Variants in TXNRD1 observed in about 807,000 individuals in gnomAD.
The protein encoded by TXNRD1 is thioredoxin reductase 1, cytoplasmic.
Under a neutral mutation model 80.3 loss-of-function variants are expected in TXNRD1, and 57 were observed. The ratio of observed to expected loss-of-function variants is 0.71; its 90% CI spans 0.57 to 0.89. TXNRD1 has a LOEUF of 0.89. Among genes scored for constraint, TXNRD1 ranks in the 40% least tolerant of loss-of-function variants. The pLI, the probability that TXNRD1 is intolerant of heterozygous loss-of-function variation, is 0.00. For synonymous variants in TXNRD1, 291 were observed against 285.2 expected (o/e 1.02, Z -0.20); for missense variants, 730 against 803.0 (o/e 0.91, Z 1.10).
intron 2 of TXNRD1, among the ~76,000 whole-genome samples, chr12:104,253,549 A>C (rs1374482408): frequency 6.6e-6 from 1 of 152,128 alleles, no homozygotes; most frequent in East Asian, 1.9e-4. Context: ...TCTGCTATGT[A>C]ATTCTTGGCC....
At chr12:104,340,698 T>A (rs184879259) in intron 16 of TXNRD1, among the ~76,000 whole-genome samples, 28 of 152,300 alleles carry the variant, frequency 1.8e-4, no homozygotes, top group Non-Finnish European at 2.9e-4. Context: ...GAAACTCCAG[T>A]CATTGGATTA....
At chr12:104,276,318 A>G (rs1455719855) in intron 3 of TXNRD1, among the ~76,000 whole-genome samples, 3 of 152,196 alleles carry the variant, frequency 2.0e-5, no homozygotes, top group Non-Finnish European at 4.4e-5. Flanking sequence ...ACATGTAAGT[A>G]TAGAGAGCTG....
At chr12:104,221,427 C>G (rs2032355884) in intron 1 of TXNRD1, among the ~76,000 whole-genome samples, 1 of 152,166 alleles carries the variant, frequency 6.6e-6, no homozygotes, top group South Asian at 2.1e-4. Context: ...AAGCGATTCT[C>G]CTGCCTCAGC....
rs572515711 is a variant in TXNRD1 at position 104,346,373 on chromosome 12, GA to G, written c.1882-1978del. Among the ~76,000 whole-genome samples, 1,051 of 152,176 alleles carry G rather than the reference GA, an allele frequency of 6.9e-3. 14 individuals are homozygous for G. Among genetic ancestry groups the G allele is most frequent in the African/African-American group, 0.023 (971 of 41,500 alleles). On this transcript the variant is annotated intron_variant, in intron 16 of 16. Coordinates refer to ENST00000525566, the MANE Select transcript of TXNRD1 (RefSeq NM_001093771.3). ...GGCTTCCTCCATCTTTTTAACATAA[GA>G]ACAACATCAATATGAGAAAAAACAG...
rs577754914 is a variant in TXNRD1 at position 104,311,990 on chromosome 12, ATATATAT to A, written c.537+579_537+585del. On this transcript the variant is annotated intron_variant, in intron 5 of 16. Coordinates refer to ENST00000525566, the MANE Select transcript of TXNRD1 (RefSeq NM_001093771.3). ...GAGCAAAACTCTGTCTTTAAAAAAT[ATATATAT>A]ATATGTGTATATATATGTATATATA... is the stretch of plus-strand genomic sequence containing the variant. Among the ~76,000 whole-genome samples the A allele has an allele frequency of 1.8e-3, 193 of 106,430 alleles. 1 individual carries two copies. Among genetic ancestry groups the A allele is most frequent in the Non-Finnish European group, 3.7e-3 (171 of 45,878 alleles). 69.8% of individuals were successfully genotyped at this position (106,430 alleles called of 152,430 possible). A position where few individuals can be genotyped will look rare whatever the true frequency, so the allele number is the denominator to read the frequency against.
In TXNRD1 at chr12:104,259,435, G is replaced by A. The variant is rs1418358416; in HGVS notation, c.304+1356G>A. Among the ~76,000 whole-genome samples, 6 of 150,690 alleles carry A rather than the reference G, an allele frequency of 4.0e-5. No individual in the cohort carries two copies. The East Asian group carries it at 1.2e-3, about 29-fold the overall frequency. ...AACAAAGAAAGGATTCAACTAGACA[G>A]AGAAAGATATATGGCAATTGGGAGA... is the stretch of plus-strand genomic sequence containing the variant. On this transcript the variant is annotated intron_variant, in intron 3 of 16. Transcript: ENST00000525566.
intron 1 of TXNRD1, among the ~76,000 whole-genome samples, chr12:104,222,593 C>T (rs1440851132): frequency 6.6e-6 from 1 of 152,206 alleles, no homozygotes; most frequent in Non-Finnish European, 1.5e-5. Flanking sequence ...TGGCTCATGC[C>T]TGTAATCCCA....
chr12:104,292,757 A>G (rs1344491728), intron 4 of TXNRD1, among the ~76,000 whole-genome samples: 1 of 152,168 alleles, frequency 6.6e-6, no homozygotes, highest in Non-Finnish European at 1.5e-5. Context: ...ATAAATGTCA[A>G]GTTTGAGACG....
chr12:104,236,606 A>C (rs779618419), intron 1 of TXNRD1, among the ~76,000 whole-genome samples: 1 of 152,076 alleles, frequency 6.6e-6, no homozygotes, highest in Non-Finnish European at 1.5e-5. Flanking sequence ...CCTGACCAAC[A>C]TGGAGAAACC....
intron 3 of TXNRD1, among the ~76,000 whole-genome samples, chr12:104,268,587 C>T (rs542429479): frequency 7.2e-5 from 11 of 152,142 alleles, no homozygotes; most frequent in African/African-American, 1.9e-4. Flanking sequence ...GGCACGATCT[C>T]GGCTCACTGC....
intron 1 of TXNRD1, among the ~76,000 whole-genome samples, chr12:104,240,955 A>G (rs2032845900): frequency 6.7e-6 from 1 of 149,808 alleles, no homozygotes; most frequent in Non-Finnish European, 1.5e-5. Context: ...GTTAGCCAGG[A>G]TGGTCTCGAT....
intron 14 of TXNRD1, among the ~76,000 whole-genome samples, chr12:104,331,860 A>G (rs2135864339): frequency 6.6e-6 from 1 of 151,968 alleles, no homozygotes; most frequent in East Asian, 1.9e-4. Context: ...TTTGAGAGTA[A>G]GTTGAATTCT....
intron 3 of TXNRD1, among the ~76,000 whole-genome samples, chr12:104,267,647 A>ATCTT (rs753275941): frequency 0.019 from 2,670 of 140,196 alleles, 50 homozygotes; most frequent in Non-Finnish European, 0.027. Flanking sequence ...ATGTGATGGT[A>ATCTT]TCTTTCTTTC....
At chr12:104,294,685 G>A (rs898112125) in intron 4 of TXNRD1, among the ~76,000 whole-genome samples, 13 of 152,128 alleles carry the variant, frequency 8.5e-5, no homozygotes, top group Admixed American at 2.6e-4. Context: ...GTCCAGGCTG[G>A]TCTCAAAACT....
intron 3 of TXNRD1, among the ~76,000 whole-genome samples, chr12:104,283,530 G>A (rs774069151): frequency 7.9e-5 from 12 of 151,660 alleles, no homozygotes; most frequent in African/African-American, 1.9e-4. Context: ...GATTTCAGCC[G>A]TGAGCCATTG....
rs557264780 is a variant in TXNRD1 at position 104,263,248 on chromosome 12, A to G, written c.304+5169A>G. Among the ~76,000 whole-genome samples, 276 of 152,314 alleles carry G rather than the reference A, an allele frequency of 1.8e-3. 1 individual carries two copies. Among genetic ancestry groups the G allele is most frequent in the Non-Finnish European group, 8.8e-5 (6 of 68,030 alleles). On this transcript the variant is annotated intron_variant, in intron 3 of 16. Coordinates refer to ENST00000525566, the MANE Select transcript of TXNRD1 (RefSeq NM_001093771.3). ...GTGATATCACCTTCTTATGATGAGG[A>G]AATAAAAACATAGTAAAGTATTAGT... is the stretch of plus-strand genomic sequence containing the variant.
rs1491493630 is a variant in TXNRD1, at chr12:104,252,658, T to TATATATATATATATA, written c.243+980_243+981insATATATATATATATA. On this transcript the variant is annotated intron_variant, in intron 2 of 16. Coordinates refer to ENST00000525566, the MANE Select transcript of TXNRD1 (RefSeq NM_001093771.3). ...GGTTCACTGAGAGGTTAATTTATTATTTTTTATATATATATATATATATAT... is the reference window on the plus strand; with the variant it reads ...GGTTCACTGAGAGGTTAATTTATTATATATATATATATATATTTTTATATATATATATATATATAT... 6.3e-3 allele frequency among the ~76,000 whole-genome samples: 65 copies of TATATATATATATATA among 10,324 alleles called. 1 individual carries two copies. Among genetic ancestry groups the TATATATATATATATA allele is most frequent in the East Asian group, 0.022 (2 of 90 alleles). The allele number at this position is 10,324 out of a possible 152,430, so 6.8% of individuals were successfully genotyped here.
At chr12:104,312,279 T>A (rs1023089317) in intron 5 of TXNRD1, among the ~76,000 whole-genome samples, 1 of 152,142 alleles carries the variant, frequency 6.6e-6, no homozygotes, top group African/African-American at 2.4e-5. Flanking sequence ...GGGAAGAGGA[T>A]GTATAAATAA....
At chr12:104,303,939 A>T (rs754763809) in intron 4 of TXNRD1, 1 of 1,594,342 alleles carries the variant, frequency 6.3e-7, no homozygotes. Flanking sequence ...GCGCTGATGA[A>T]GATGGATGTG....
Sources: allele counts gnomAD v4.1 joint callset (sites outside exome capture counted in the v4.1 genomes callset), GRCh38; gene constraint gnomAD v4.1.1; transcripts MANE v1.5; gene names NCBI Gene and HGNC (gene_info 2026-07-23, HGNC 2026-07-21).